The following GJA5 variants were observed in gnomAD, a reference collection of about 807,000 sequenced individuals.
The protein encoded by GJA5 is gap junction protein alpha 5, also known as gap junction alpha-5 protein.
GJA5 carries 3 observed loss-of-function variants against 7.9 expected under a neutral mutation model. The observed-to-expected ratio is 0.38, with a 90% CI of 0.17 to 0.99. GJA5 has a LOEUF of 0.99. Ranked by LOEUF, GJA5 falls within the 50% of genes least tolerant of loss-of-function variation. The probability of loss-of-function intolerance (pLI) is 0.38; values close to 1 mark genes in which losing one functional copy is unlikely to be tolerated. For missense variants in GJA5, 390 were observed against 457.9 expected (o/e 0.85, Z 1.35); for synonymous variants, 193 against 181.0 (o/e 1.07, Z -0.53).
rs1470757287 is a variant in GJA5, at chr1:147,758,890, C to A, written c.349G>T (p.Val117Phe). Residue 117 changes from valine (V) to phenylalanine (F), a missense_variant, in exon 2 of 2, where the codon GTC becomes TTC. By Grantham distance (50) the Val-to-Phe change is conservative. This residue lies in a region of GJA5 where 354 missense variants were observed against 370.9 expected (regional missense o/e 0.95). Coordinates refer to ENST00000579774, the MANE Select transcript of GJA5 (RefSeq NM_181703.4). ...TACTCGTAAGAGCCAGAGCCCCGGA[C>A]CTCTTTGGCCCTCTCGGCCTCCCGT... ...KLREAERAKEVRGSGSYEYPV... is the reference protein window; with the variant it reads ...KLREAERAKEFRGSGSYEYPV... 1.2e-6 allele frequency: 2 copies of A among 1,614,126 alleles called. No individual in the cohort carries two copies. The highest frequency in any genetic ancestry group is 1.7e-6 in the Non-Finnish European group (2 of 1,180,038).
chr1:147,766,725 A>G (rs1664217480), intron 1 of GJA5, among the ~76,000 whole-genome samples: 1 of 152,206 alleles, frequency 6.6e-6, no homozygotes, highest in Non-Finnish European at 1.5e-5. Flanking sequence ...AATTCTGGAC[A>G]ACGACACATG....
At chr1:147,763,712 G>C (rs1664098937), upstream of GJA5, among the ~76,000 whole-genome samples, 2 of 152,230 alleles carry the variant, frequency 1.3e-5, no homozygotes, top group Admixed American at 1.3e-4. Context: ...GAAGGATTTT[G>C]TGTATAGTGA....
At chr1:147,764,903 G>T (rs1426128406), upstream of GJA5, among the ~76,000 whole-genome samples, 1 of 151,822 alleles carries the variant, frequency 6.6e-6, no homozygotes, top group Non-Finnish European at 1.5e-5. Flanking sequence ...CTCTCAAATG[G>T]GTAGTATGCT....
upstream of GJA5, among the ~76,000 whole-genome samples, chr1:147,761,441 C>G (rs190441976): frequency 6.6e-6 from 1 of 152,284 alleles, no homozygotes; most frequent in Non-Finnish European, 1.5e-5. Flanking sequence ...GGACCAACCT[C>G]CTGGCCCTGT....
rs1321767803 is a variant in GJA5, at chr1:147,756,824, C to G, written c.*1338G>C. 1 of 152,252 alleles carries G rather than the reference C, an allele frequency of 6.6e-6. No homozygotes were observed. Among genetic ancestry groups the G allele is most frequent in the African/African-American group, 2.4e-5 (1 of 41,440 alleles). 9.4% of individuals were successfully genotyped at this position (152,252 alleles called of 1,614,324 possible). On this transcript the variant is annotated 3_prime_UTR_variant, in exon 2 of 2. Transcript: ENST00000579774. Reference sequence around the variant, plus strand: ...CAACCCATTATGGATCCAGTGAATACAGAGACCAGGCCAATCCCTGGGGAA... The same window carrying G: ...CAACCCATTATGGATCCAGTGAATAGAGAGACCAGGCCAATCCCTGGGGAA...
chr1:147,771,261 C>T (rs1553229039), intron 1 of GJA5, among the ~76,000 whole-genome samples: 1 of 151,918 alleles, frequency 6.6e-6, no homozygotes, highest in Non-Finnish European at 1.5e-5. Flanking sequence ...GAGTCAATAC[C>T]AAAAAATGGA....
Position 147,758,947 on chromosome 1 carries a change from G to T in GJA5, c.292C>A (p.His98Asn). The T allele has an allele frequency of 6.2e-7, 1 of 1,614,212 alleles. No homozygotes were observed. The highest frequency in any genetic ancestry group is 8.5e-7 in the Non-Finnish European group (1 of 1,180,018). The change falls in exon 2 of 2, where the codon CAC (histidine) becomes AAC (asparagine). Residue 98 changes from histidine (H) to asparagine (N), a missense_variant. Physicochemically the swap from His to Asn is moderately conservative, Grantham distance 68. Transcript: ENST00000579774. ...CGCTTCTCCTGCATGCGCACAGTGT[G>T]CATGGCGTGGCCCATGTACACCAGA... ...PSLVYMGHAM[H>N]TVRMQEKRKL...
chr1:147,760,771 G>C (rs587691385), upstream of GJA5, among the ~76,000 whole-genome samples: 13 of 152,314 alleles, frequency 8.5e-5, no homozygotes, highest in Admixed American at 2.0e-4. Flanking sequence ...CTCCTCTGCA[G>C]TTAGTTCTGG....
Position 147,759,278 on chromosome 1 carries a change from A to G in GJA5, c.-33-7T>C, listed in dbSNP as rs1224165671. ...GGAACAGATGCCAAAACTTCTGCAA[A>G]TGGGAGAGAGAGAAAGAGAGAAAAG... On this transcript the variant is annotated splice_polypyrimidine_tract_variant and splice_region_variant and intron_variant, in intron 1 of 1. Coordinates refer to ENST00000579774, the MANE Select transcript of GJA5 (RefSeq NM_181703.4). 4 of 1,264,390 alleles carry G rather than the reference A, an allele frequency of 3.2e-6. No individual in the cohort carries two copies. Among genetic ancestry groups the G allele is most frequent in the Non-Finnish European group, 3.5e-6 (3 of 862,802 alleles). 78.3% of individuals were successfully genotyped at this position (1,264,390 alleles called of 1,614,324 possible). A position where few individuals can be genotyped will look rare whatever the true frequency, so the allele number is the denominator to read the frequency against.
At chr1:147,770,018 G>A (rs1253328194) in intron 1 of GJA5, among the ~76,000 whole-genome samples, 3 of 151,840 alleles carry the variant, frequency 2.0e-5, no homozygotes, top group Admixed American at 2.0e-4. Flanking sequence ...TTTGAAGCAG[G>A]CTCAGTTCTA....
In GJA5 at chr1:147,758,830, C is replaced by G; in HGVS notation, c.409G>C (p.Glu137Gln). The change falls in exon 2 of 2, where the codon GAG (glutamate) becomes CAG (glutamine). Residue 137 changes from glutamate to glutamine, a missense_variant. Glu to Gln is a conservative substitution (Grantham distance 29, BLOSUM62 2). Around this residue, in one of 2 missense-constraint regions of GJA5, gnomAD observed 354 missense variants for 370.9 expected, o/e 0.95. Coordinates refer to ENST00000579774, the MANE Select transcript of GJA5 (RefSeq NM_181703.4). ...VAEKAELSCWEEGNGRIALQG... is the reference protein window; with the variant it reads ...VAEKAELSCWQEGNGRIALQG... ...AGGGCAATCCTTCCATTCCCTTCCT[C>G]CCAGCAGGACAGTTCTGCCTTCTCT... 1 of 1,614,228 alleles carries G rather than the reference C, an allele frequency of 6.2e-7. No individual in the cohort carries two copies. Among genetic ancestry groups the G allele is most frequent in the Non-Finnish European group, 8.5e-7 (1 of 1,180,040 alleles).
At chr1:147,768,062 G>T (rs1365817065) in intron 1 of GJA5, among the ~76,000 whole-genome samples, 1 of 152,148 alleles carries the variant, frequency 6.6e-6, no homozygotes, top group East Asian at 1.9e-4. Context: ...ACTGAGCTGG[G>T]CAGTGTGGGC....
intron 1 of GJA5, among the ~76,000 whole-genome samples, chr1:147,767,753 A>G (rs1039619492): frequency 2.0e-5 from 3 of 152,208 alleles, no homozygotes; most frequent in South Asian, 4.2e-4. Flanking sequence ...TCACACTGCT[A>G]GTAAGAGCTC....
intron 1 of GJA5, among the ~76,000 whole-genome samples, chr1:147,771,426 G>A (rs1350487198): frequency 6.6e-6 from 1 of 152,102 alleles, no homozygotes. Flanking sequence ...TCACTGTGTC[G>A]TCTCCTACGA....
At position 147,758,394 on chromosome 1, in the gene GJA5, G is replaced by T; in HGVS notation, c.845C>A (p.Pro282His). ...ENGPGGKFFN[P>H]FSNNMASQQN... Reference sequence around the variant, plus strand: ...TTGGGAGGCCATATTATTGCTGAAGGGATTGAAGAATTTTCCCCCAGGGCC... The same window carrying T: ...TTGGGAGGCCATATTATTGCTGAAGTGATTGAAGAATTTTCCCCCAGGGCC... Residue 282 changes from proline to histidine, a missense_variant, in exon 2 of 2, where the codon CCC becomes CAC. By Grantham distance (77) the Pro-to-His change is moderately conservative (BLOSUM62 -2). This residue lies in a region of GJA5 where 354 missense variants were observed against 370.9 expected (regional missense o/e 0.95). Coordinates refer to ENST00000579774, the MANE Select transcript of GJA5 (RefSeq NM_181703.4). The T allele has an allele frequency of 3.7e-6, 6 of 1,614,138 alleles. No individual in the cohort carries two copies. Among genetic ancestry groups the T allele is most frequent in the Non-Finnish European group, 5.1e-6 (6 of 1,179,996 alleles).
intron 1 of GJA5, 131 bp from the exon 2 acceptor site, chr1:147,759,402 G>T: frequency 1.6e-6 from 1 of 614,544 alleles, no homozygotes; most frequent in Non-Finnish European, 2.9e-6. Flanking sequence ...CAACTTAGAA[G>T]TCAAAGCAAC....
At position 147,759,268 on chromosome 1, in the gene GJA5, ACTT is replaced by A; in HGVS notation, c.-33_-31del. On this transcript the variant is annotated splice_region_variant and 5_prime_UTR_variant, in exon 2 of 2. Transcript: ENST00000579774. ...GCACAGCCAGGGAACAGATGCCAAAACTTCTGCAAATGGGAGAGAGAGAAAGAG... is the reference window on the plus strand; with the variant it reads ...GCACAGCCAGGGAACAGATGCCAAAACTGCAAATGGGAGAGAGAGAAAGAG... 2 of 1,396,588 alleles carry A rather than the reference ACTT, an allele frequency of 1.4e-6. No individual in the cohort carries two copies. The highest frequency in any genetic ancestry group is 1.0e-6 in the Non-Finnish European group (1 of 982,926). The allele number at this position is 1,396,588 out of a possible 1,614,324, so 86.5% of individuals were successfully genotyped here.
At chr1:147,765,673 T>C (rs1557948064) in intron 1 of GJA5, among the ~76,000 whole-genome samples, 1 of 152,176 alleles carries the variant, frequency 6.6e-6, no homozygotes, top group African/African-American at 2.4e-5. Context: ...CAGGAGCAGA[T>C]TGTGGAGGGC....
chr1:147,771,207 C>T (rs1048048474), intron 1 of GJA5, among the ~76,000 whole-genome samples: 4 of 152,082 alleles, frequency 2.6e-5, no homozygotes, highest in Non-Finnish European at 5.9e-5. Context: ...GCCTGTGCCC[C>T]ACGAACAGCC....
Sources: allele counts gnomAD v4.1 joint callset (sites outside exome capture counted in the v4.1 genomes callset), GRCh38; gene constraint gnomAD v4.1.1; regional missense constraint gnomAD v4.1.1; transcripts MANE v1.5; gene names NCBI Gene and HGNC (gene_info 2026-07-23, HGNC 2026-07-21).